SASH1: variants seen among roughly 807,000 people sequenced by gnomAD.
SASH1 encodes SAM and SH3 domain-containing protein 1.
A neutral mutation model predicts 125.2 loss-of-function variants in SASH1; 44 were observed. The ratio of observed to expected loss-of-function variants is 0.35; its 90% CI spans 0.28 to 0.45. The LOEUF (loss-of-function observed/expected upper bound fraction) is 0.45, where lower values mean the gene tolerates loss of function less well. SASH1 is among the 20% of genes least tolerant of loss of function. SASH1 has a pLI of 1.00. For missense variants in SASH1, 1,426 were observed against 1,614.5 expected, an observed-to-expected ratio of 0.88 and a Z score of 2.00; for synonymous variants, 639 against 649.1, an observed-to-expected ratio of 0.98 and a Z score of 0.24.
intron 1 of SASH1, among the ~76,000 whole-genome samples, chr6:148,312,368 C>T (rs556083117): frequency 4.9e-4 from 74 of 152,176 alleles, no homozygotes; most frequent in Non-Finnish European, 9.6e-4. Flanking sequence ...GGTGGTCAGG[C>T]GTGGTGGCTC....
intron 2 of SASH1, among the ~76,000 whole-genome samples, chr6:148,398,363 TG>T: frequency 6.6e-6 from 1 of 152,340 alleles, no homozygotes; most frequent in Admixed American, 6.5e-5. Context: ...TGTGGGTTTT[TG>T]TTTGGTTTCA....
intron 2 of SASH1, among the ~76,000 whole-genome samples, chr6:148,407,956 C>G (rs1784444792): frequency 6.6e-6 from 1 of 151,904 alleles, no homozygotes; most frequent in Non-Finnish European, 1.5e-5. Flanking sequence ...TGAGGAACCT[C>G]CATACTGGCT....
chr6:148,300,652 T>G (rs1779915314), intron 1 of SASH1, among the ~76,000 whole-genome samples: 1 of 151,992 alleles, frequency 6.6e-6, no homozygotes, highest in Admixed American at 6.6e-5. Flanking sequence ...TGGCTAATTT[T>G]TTGTATTTTT....
the SASH1 span, among the ~76,000 whole-genome samples, chr6:148,241,748 T>A: frequency 1.2e-4 from 19 of 152,334 alleles, no homozygotes; most frequent in African/African-American, 4.3e-4. Flanking sequence ...TTATTAGCTC[T>A]GTGACCTTGG....
At chr6:148,389,614 G>A (rs1347950901) in intron 1 of SASH1, among the ~76,000 whole-genome samples, 5 of 152,160 alleles carry the variant, frequency 3.3e-5, no homozygotes, top group Admixed American at 6.6e-5. Flanking sequence ...ATTCTCTATC[G>A]GTTCCTGAAT....
intron 1 of SASH1, among the ~76,000 whole-genome samples, chr6:148,279,638 A>G (rs548660140): frequency 4.6e-5 from 7 of 152,296 alleles, no homozygotes; most frequent in Non-Finnish European, 7.4e-5. Context: ...AATTAGAGTT[A>G]TGACTGAGTT....
At chr6:148,245,218 G>A in the SASH1 span, among the ~76,000 whole-genome samples, 6 of 152,106 alleles carry the variant, frequency 3.9e-5, no homozygotes, top group Non-Finnish European at 8.8e-5. Flanking sequence ...ACACAAACAC[G>A]GTTCCCAAAT....
chr6:148,511,061 TAAAAA>T (rs1360455351), intron 8 of SASH1, among the ~76,000 whole-genome samples: 1 of 151,712 alleles, frequency 6.6e-6, no homozygotes, highest in East Asian at 1.9e-4. Flanking sequence ...GGAATATACT[TAAAAA>T]GAGAAATATG....
intron 10 of SASH1, chr6:148,520,128 T>C: frequency 3.8e-6 from 2 of 522,162 alleles, no homozygotes; most frequent in Admixed American, 3.3e-5. Context: ...GAGCTGCGGC[T>C]TCCCCGGCAG....
intron 12 of SASH1, among the ~76,000 whole-genome samples, chr6:148,528,624 C>T (rs1005720445): frequency 1.3e-5 from 2 of 152,104 alleles, no homozygotes; most frequent in African/African-American, 4.8e-5. Context: ...TTTGCTCCCC[C>T]ATGGACTCCA....
chr6:148,396,784 C>T (rs1486897215), intron 2 of SASH1, among the ~76,000 whole-genome samples: 1 of 152,168 alleles, frequency 6.6e-6, no homozygotes, highest in African/African-American at 2.4e-5. Context: ...CAAATTCTGG[C>T]TCTTTTACTT....
At chr6:148,277,229 G>C (rs1448735154) in intron 1 of SASH1, among the ~76,000 whole-genome samples, 1 of 152,214 alleles carries the variant, frequency 6.6e-6, no homozygotes, top group Admixed American at 6.5e-5. Flanking sequence ...CTCCTGGCGT[G>C]GTCAGGTGGC....
chr6:148,472,647 G>T (rs79754117), intron 6 of SASH1, among the ~76,000 whole-genome samples: 10,196 of 152,160 alleles, frequency 0.067, 438 homozygotes, highest in Non-Finnish European at 0.097. Context: ...CCCAGCACAC[G>T]CTATTATTCT....
chr6:148,266,823 G>A, the SASH1 span, among the ~76,000 whole-genome samples: 2 of 151,040 alleles, frequency 1.3e-5, no homozygotes, highest in Admixed American at 6.6e-5. Flanking sequence ...TGTTGCCCCA[G>A]CTAGTCTTGA....
At chr6:148,451,324 G>C (rs1562422005) in intron 4 of SASH1, among the ~76,000 whole-genome samples, 1 of 152,166 alleles carries the variant, frequency 6.6e-6, no homozygotes, top group Non-Finnish European at 1.5e-5. Flanking sequence ...CCAGACTGAC[G>C]GTGTGAATAA....
At chr6:148,275,903 T>C (rs1779171181) in intron 1 of SASH1, among the ~76,000 whole-genome samples, 1 of 152,182 alleles carries the variant, frequency 6.6e-6, no homozygotes, top group Non-Finnish European at 1.5e-5. Flanking sequence ...TTATTATTTG[T>C]AGAGACAGGG....
At chr6:148,231,502 A>T in the SASH1 span, among the ~76,000 whole-genome samples, 1 of 152,344 alleles carries the variant, frequency 6.6e-6, no homozygotes, top group East Asian at 1.9e-4. Flanking sequence ...ACAAATTTTT[A>T]AAAGAATATT....
chr6:148,212,249 G>A, the SASH1 span, among the ~76,000 whole-genome samples: 1 of 152,142 alleles, frequency 6.6e-6, no homozygotes, highest in Non-Finnish European at 1.5e-5. Context: ...GATTAAGCAG[G>A]ACACTGTGCA....
chr6:148,299,263 G>A (rs1278432337), intron 1 of SASH1, among the ~76,000 whole-genome samples: 2 of 151,966 alleles, frequency 1.3e-5, no homozygotes, highest in African/African-American at 4.8e-5. Context: ...GTAAAATAGG[G>A]GAGCGGACAC....
Sources: gnomAD v4.1 joint callset for allele counts (sites outside exome capture counted in the v4.1 genomes callset) on GRCh38, gnomAD v4.1.1 for gene constraint, MANE v1.5 for transcripts, NCBI Gene and HGNC (gene_info 2026-07-23, HGNC 2026-07-21) for gene names.